The following KIRREL2 variants were observed in gnomAD, a reference collection of about 807,000 sequenced individuals.
KIRREL2 encodes the protein kin of IRRE-like protein 2.
In KIRREL2, 56 loss-of-function variants were observed where a neutral mutation model predicts 73.4. The observed-to-expected ratio is 0.76, with a 90% CI of 0.62 to 0.95. The LOEUF (loss-of-function observed/expected upper bound fraction) is 0.95, where lower values mean the gene tolerates loss of function less well. Ranked by LOEUF, KIRREL2 falls within the 40% of genes least tolerant of loss-of-function variation. The probability of loss-of-function intolerance (pLI) is 0.00; values close to 1 mark genes in which losing one functional copy is unlikely to be tolerated. For synonymous variants in KIRREL2, 407 were observed against 404.0 expected (o/e 1.01, Z -0.09); for missense variants, 896 against 935.0 (o/e 0.96, Z 0.54).
chr19:35,853,391 C>T (rs1008981549), upstream of KIRREL2, among the ~76,000 whole-genome samples: 3 of 152,212 alleles, frequency 2.0e-5, no homozygotes, highest in Admixed American at 1.3e-4. Context: ...CCAAAGTGGG[C>T]GCCCTTTGGC....
chr19:35,860,942 T>C lies in KIRREL2; in HGVS notation c.962T>C (p.Val321Ala). The C allele has an allele frequency of 1.2e-6, 2 of 1,614,050 alleles. No individual in the cohort carries two copies. The highest frequency in any genetic ancestry group is 1.1e-5 in the South Asian group (1 of 91,076). Residue 321 changes from valine (V) to alanine (A), a missense_variant, in exon 8 of 15, where the codon GTG (valine) becomes GCG (alanine). Transcript: ENST00000360202. ...ATTCTGCAGGCAAAGCCGGAGCCCG[T>C]GTCCGTGGACGTGGGGGAAGACGCT... ...GPILQAKPEP[V>A]SVDVGEDASF...
upstream of KIRREL2, among the ~76,000 whole-genome samples, chr19:35,853,446 T>C (rs8110926): frequency 0.088 from 13,359 of 152,264 alleles, 1,143 homozygotes; most frequent in African/African-American, 0.23. Context: ...TTGCCCTCTC[T>C]CCCATCTCTT....
At chr19:35,861,439 T>C in intron 9 of KIRREL2, 102 bp from the exon 10 acceptor site, 1 of 1,455,444 alleles carries the variant, frequency 6.9e-7, no homozygotes, top group Admixed American at 2.1e-5. Flanking sequence ...GTGGCCTGAT[T>C]GATTGAGGTT....
chr19:35,856,768 C>CTGGGACTCCT, upstream of KIRREL2: 2 of 408,238 alleles, frequency 4.9e-6, no homozygotes, highest in Non-Finnish European at 9.1e-6. The surrounding 1 kb of genome is among the most constrained non-coding windows in gnomAD (Gnocchi z 5.9). Context: ...GAGCTGGGGG[C>CTGGGACTCCT]GCCCACCCGC....
At chr19:35,860,878 G>C (rs1973640432) in intron 7 of KIRREL2, 31 bp from the exon 8 acceptor site, 1 of 1,612,656 alleles carries the variant, frequency 6.2e-7, no homozygotes, top group East Asian at 2.2e-5. Flanking sequence ...ATTCCGCCCC[G>C]GCCATGTGAC....
chr19:35,866,305 G>T lies in KIRREL2; in HGVS notation c.1940G>T (p.Gly647Val). 6.2e-7 allele frequency: 1 copy of T among 1,612,236 alleles called. No individual in the cohort carries two copies. Among genetic ancestry groups the T allele is most frequent in the Non-Finnish European group, 8.5e-7 (1 of 1,178,690 alleles). ...PTFYDFNPHL[G>V]MVPPCRLYRA... ...TTCTATGACTTCAACCCACACCTGGGCATGGTCCCCCCCTGCAGACTTTAC... is the reference window on the plus strand; with the variant it reads ...TTCTATGACTTCAACCCACACCTGGTCATGGTCCCCCCCTGCAGACTTTAC... Residue 647 changes from glycine to valine, a missense_variant, in exon 15 of 15, where the codon GGC (glycine) becomes GTC (valine). Coordinates refer to ENST00000360202, the MANE Select transcript of KIRREL2 (RefSeq NM_199180.4).
At position 35,858,522 on chromosome 19, in the gene KIRREL2, G is replaced by C; in HGVS notation, c.326G>C (p.Gly109Ala). The C allele has an allele frequency of 1.2e-6, 2 of 1,614,166 alleles. No individual in the cohort carries two copies. The highest frequency in any genetic ancestry group is 1.7e-6 in the Non-Finnish European group (2 of 1,180,040). ...TATGAATGTCAGGCTACACAAGCAG[G>C]CCTCCGCTCCAGACCAGCCCAACTG... ...ASYECQATQAGLRSRPAQLHV... is the reference protein window; with the variant it reads ...ASYECQATQAALRSRPAQLHV... Residue 109 changes from glycine (G) to alanine (A), a missense_variant, in exon 3 of 15, where the codon GGC becomes GCC. Coordinates refer to ENST00000360202, the MANE Select transcript of KIRREL2 (RefSeq NM_199180.4).
At chr19:35,865,361 G>A (rs1973924661) in intron 14 of KIRREL2, among the ~76,000 whole-genome samples, 1 of 151,896 alleles carries the variant, frequency 6.6e-6, no homozygotes, top group Non-Finnish European at 1.5e-5. Flanking sequence ...ATGTTGGCCA[G>A]GCTGATCTGG....
At chr19:35,852,911 C>G (rs1265223108), upstream of KIRREL2, among the ~76,000 whole-genome samples, 1 of 152,146 alleles carries the variant, frequency 6.6e-6, no homozygotes, top group Non-Finnish European at 1.5e-5. Context: ...TCTCCCACCT[C>G]TGTCTCCCAA....
intron 13 of KIRREL2, 123 bp downstream of exon 13, chr19:35,863,159 A>G (rs185967316): frequency 3.1e-5 from 19 of 620,674 alleles, no homozygotes; most frequent in Middle Eastern, 2.9e-4. Context: ...CGTTGGTAAT[A>G]CCACTTTGGG....
intron 5 of KIRREL2, 34 bp downstream of exon 5, chr19:35,859,665 G>C (rs1973580578): frequency 1.9e-6 from 3 of 1,609,912 alleles, no homozygotes. Flanking sequence ...AGAGGGGTGT[G>C]GGGCCCTGAC....
At position 35,860,546 on chromosome 19, in the gene KIRREL2, C is replaced by T. The variant is rs1322016753; in HGVS notation, c.807C>T (p.Leu269=). Residue 269 remains leucine, a synonymous_variant, in exon 7 of 15, where the codon CTC becomes CTT. Coordinates refer to ENST00000360202, the MANE Select transcript of KIRREL2 (RefSeq NM_199180.4). The part of the protein sequence containing the change: ...YRWAKGGSPV[L]GARGPRLEVV... The stretch of plus-strand genomic sequence containing the variant: ...GGGCAAAAGGGGGCTCTCCGGTGCT[C>T]GGGGCCCGCGGGCCAAGGTTAGAGG... 9 of 1,603,004 alleles carry T rather than the reference C, an allele frequency of 5.6e-6. No homozygotes were observed. Among genetic ancestry groups the T allele is most frequent in the Non-Finnish European group, 7.6e-6 (9 of 1,179,952 alleles).
At chr19:35,853,803 G>A (rs1973340736), upstream of KIRREL2, among the ~76,000 whole-genome samples, 1 of 149,494 alleles carries the variant, frequency 6.7e-6, no homozygotes, top group South Asian at 2.1e-4. Flanking sequence ...CTCCTGAGTA[G>A]CTGGGACTAC....
At chr19:35,865,993 C>T (rs1004802769) in intron 14 of KIRREL2, among the ~76,000 whole-genome samples, 164 bp from the exon 15 acceptor site, 4 of 152,112 alleles carry the variant, frequency 2.6e-5, no homozygotes, top group African/African-American at 9.7e-5. Context: ...TCCTCTGTCT[C>T]ACTTTCTCTC....
In KIRREL2 at chr19:35,861,575, T is replaced by C; in HGVS notation, c.1224T>C (p.Pro408=). The C allele has an allele frequency of 6.2e-7, 1 of 1,613,756 alleles. No individual in the cohort carries two copies. The highest frequency in any genetic ancestry group is 8.5e-7 in the Non-Finnish European group (1 of 1,179,892). ...TAGTGACCGCCCTGCACTCTGCGCC[T>C]GCCTTCCTGAGGGGCCCTGCTCGCC... The part of the protein sequence containing the change: ...PPVVTALHSA[P]AFLRGPARLQ... Residue 408 remains proline (P), a synonymous_variant, in exon 10 of 15, where the codon CCT becomes CCC. Transcript: ENST00000360202.
At chr19:35,858,070 C>T (rs1052064441) in intron 2 of KIRREL2, among the ~76,000 whole-genome samples, 10 of 151,734 alleles carry the variant, frequency 6.6e-5, no homozygotes, top group African/African-American at 2.4e-4. Context: ...AAAATAGACA[C>T]ACACAGCCAA....
chr19:35,866,370 G>A lies in KIRREL2; in HGVS notation c.2005G>A (p.Ala669Thr). The A allele has an allele frequency of 1.2e-6, 2 of 1,613,228 alleles. No homozygotes were observed. Among genetic ancestry groups the A allele is most frequent in the Non-Finnish European group, 8.5e-7 (1 of 1,179,612 alleles). The change falls in exon 15 of 15, where the codon GCT becomes ACT. Residue 669 changes from alanine to threonine, a missense_variant. Coordinates refer to ENST00000360202, the MANE Select transcript of KIRREL2 (RefSeq NM_199180.4). ...AGYLTTPHPR[A>T]FTSYIKPTSF... The stretch of plus-strand genomic sequence containing the variant: ...CTATCTCACCACACCCCACCCTCGA[G>A]CTTTCACCAGCTACATCAAACCCAC...
intron 13 of KIRREL2, among the ~76,000 whole-genome samples, chr19:35,863,442 T>A (rs868275401): frequency 2.4e-4 from 36 of 147,616 alleles, no homozygotes; most frequent in Non-Finnish European, 3.0e-4. Context: ...TTTTTTTTTT[T>A]ATGTAGGAGG....
At chr19:35,858,204 CT>C (rs1020151014) in intron 2 of KIRREL2, among the ~76,000 whole-genome samples, 2 of 152,188 alleles carry the variant, frequency 1.3e-5, no homozygotes, top group African/African-American at 4.8e-5. Context: ...TCTTGCTTTC[CT>C]TCCTGACTTT....
Sources: gnomAD v4.1 joint callset for allele counts (sites outside exome capture counted in the v4.1 genomes callset) on GRCh38, gnomAD v4.1.1 for gene constraint, Gnocchi (gnomAD v3.1) non-coding constraint, MANE v1.5 for transcripts, NCBI Gene and HGNC (gene_info 2026-07-23, HGNC 2026-07-21) for gene names.